PLCL1: variants seen among roughly 807,000 people sequenced by gnomAD.
PLCL1 encodes inactive phospholipase C-like protein 1.
Under a neutral mutation model 84.4 loss-of-function variants are expected in PLCL1, and 41 were observed. The ratio of observed to expected loss-of-function variants is 0.49; its 90% confidence interval spans 0.38 to 0.63. The LOEUF (loss-of-function observed/expected upper bound fraction) is 0.63, where lower values mean the gene tolerates loss of function less well. Among genes scored for constraint, PLCL1 ranks in the 30% least tolerant of loss-of-function variants. The pLI, the probability that PLCL1 is intolerant of heterozygous loss-of-function variation, is 0.00. For synonymous variants in PLCL1, 490 were observed against 488.3 expected, an observed-to-expected ratio of 1.00 and a Z score of -0.05; for missense variants, 1,206 against 1,367.8, an observed-to-expected ratio of 0.88 and a Z score of 1.87.
intron 1 of PLCL1, among the ~76,000 whole-genome samples, chr2:198,025,914 G>A (rs943596979): frequency 6.6e-6 from 1 of 152,206 alleles, no homozygotes; most frequent in African/African-American, 2.4e-5. Context: ...GTGACTTGCT[G>A]TGGAGCCATT....
chr2:197,945,362 G>A (rs772835688), intron 1 of PLCL1, among the ~76,000 whole-genome samples: 2 of 152,100 alleles, frequency 1.3e-5, no homozygotes, highest in African/African-American at 2.4e-5. Flanking sequence ...TCTAAGATAC[G>A]TATGCTTTTT....
Position 197,897,694 on chromosome 2 carries a change from T to A in PLCL1, c.240+92355T>A, listed in dbSNP as rs571372754. Among the ~76,000 whole-genome samples, 3 of 152,322 alleles carry A rather than the reference T, an allele frequency of 2.0e-5. No homozygotes were observed. The East Asian group carries it at 5.8e-4, about 29-fold the overall frequency. On this transcript the variant is annotated intron_variant, in intron 1 of 5. Coordinates refer to ENST00000428675, the MANE Select transcript of PLCL1 (RefSeq NM_006226.4). ...AACATAAAGATTGCTGGTTTCTGGA[T>A]GTCAGGTGAATATGCATTAAAGGAT...
intron 1 of PLCL1, among the ~76,000 whole-genome samples, chr2:198,034,985 C>A (rs553040120): frequency 2.0e-5 from 3 of 152,234 alleles, no homozygotes; most frequent in African/African-American, 7.2e-5. Context: ...TGTCCTTTTT[C>A]ATGTCTCGTC....
chr2:198,061,161 A>G (rs1692190247), intron 1 of PLCL1, among the ~76,000 whole-genome samples: 2 of 152,212 alleles, frequency 1.3e-5, no homozygotes, highest in South Asian at 2.1e-4. Context: ...ATAATTAGGA[A>G]CTCAGTGTGT....
chr2:197,997,086 G>A (rs1310237591), intron 1 of PLCL1, among the ~76,000 whole-genome samples: 1 of 152,194 alleles, frequency 6.6e-6, no homozygotes, highest in Non-Finnish European at 1.5e-5. Flanking sequence ...TGTGCTCACG[G>A]AATCCTGAGA....
chr2:197,930,358 A>G (rs1453640175), intron 1 of PLCL1, among the ~76,000 whole-genome samples: 1 of 152,198 alleles, frequency 6.6e-6, no homozygotes, highest in Non-Finnish European at 1.5e-5. Context: ...AATAGAGTAC[A>G]TGCAAATGAT....
At chr2:198,146,292 C>T (rs1694514478) in intron 5 of PLCL1, among the ~76,000 whole-genome samples, 1 of 152,138 alleles carries the variant, frequency 6.6e-6, no homozygotes, top group African/African-American at 2.4e-5. Flanking sequence ...AACCAGCTCA[C>T]CAAGCATAAG....
At chr2:198,036,569 A>G (rs560199603) in intron 1 of PLCL1, among the ~76,000 whole-genome samples, 1 of 152,358 alleles carries the variant, frequency 6.6e-6, no homozygotes, top group South Asian at 2.1e-4. Flanking sequence ...TATATCATAG[A>G]ATGGATGGAC....
intron 1 of PLCL1, among the ~76,000 whole-genome samples, chr2:197,981,214 C>T (rs573464149): frequency 2.6e-4 from 40 of 152,266 alleles, no homozygotes; most frequent in African/African-American, 9.6e-4. Flanking sequence ...TTTCCACGTA[C>T]ATTAAGACAC....
At chr2:198,133,173 A>T (rs1024350775) in intron 5 of PLCL1, among the ~76,000 whole-genome samples, 4 of 152,060 alleles carry the variant, frequency 2.6e-5, no homozygotes, top group African/African-American at 9.7e-5. Flanking sequence ...TGGCACATAT[A>T]CACCATGGAA....
At chr2:197,862,046 T>C (rs1178504004) in intron 1 of PLCL1, among the ~76,000 whole-genome samples, 2 of 152,226 alleles carry the variant, frequency 1.3e-5, no homozygotes, top group Admixed American at 1.3e-4. Context: ...TCTAGCATTT[T>C]CCCCTTTAAG....
intron 5 of PLCL1, among the ~76,000 whole-genome samples, chr2:198,122,953 C>T (rs1020289086): frequency 6.6e-6 from 1 of 151,990 alleles, no homozygotes; most frequent in African/African-American, 2.4e-5. Context: ...GAAAGGTTAG[C>T]TAATAGCTAA....
chr2:198,103,398 T>C (rs1362633038), intron 4 of PLCL1, among the ~76,000 whole-genome samples: 3 of 152,038 alleles, frequency 2.0e-5, no homozygotes, highest in Non-Finnish European at 4.4e-5. Context: ...AAATGGGGTA[T>C]CCATCCCCTC....
chr2:197,836,213 A>C (rs2105662514), intron 1 of PLCL1, among the ~76,000 whole-genome samples: 1 of 152,126 alleles, frequency 6.6e-6, no homozygotes, highest in South Asian at 2.1e-4. Flanking sequence ...TGGGAGGCCG[A>C]GGCGGGCGGA....
rs775857733 is a variant in PLCL1, at chr2:198,084,406, C to T, written c.889C>T (p.Arg297Cys). 15 of 1,613,978 alleles carry T rather than the reference C, an allele frequency of 9.3e-6. No homozygotes were observed. Among genetic ancestry groups the T allele is most frequent in the South Asian group, 4.4e-5 (4 of 91,076 alleles). ...GAAGAGCAAGGAAAAACTAACCACC[C>T]GCGTGACCGAAGAGGAATTTTGTGA... ...IQKSKEKLTTRVTEEEFCEAF... is the reference protein window; with the variant it reads ...IQKSKEKLTTCVTEEEFCEAF... Residue 297 changes from arginine (R) to cysteine (C), a missense_variant, in exon 2 of 6, where the codon CGC becomes TGC. Transcript: ENST00000428675.
chr2:198,096,941 AG>A (rs1455201525), intron 3 of PLCL1, among the ~76,000 whole-genome samples: 2 of 152,226 alleles, frequency 1.3e-5, no homozygotes, highest in Non-Finnish European at 2.9e-5. Flanking sequence ...ATTCAGCCTC[AG>A]GATGGGAAAG....
intron 1 of PLCL1, among the ~76,000 whole-genome samples, chr2:198,075,029 A>G (rs10195621): frequency 0.016 from 2,445 of 152,318 alleles, 60 homozygotes; most frequent in African/African-American, 0.056. Flanking sequence ...TATTAAAGGT[A>G]TACATTTAGC....
intron 1 of PLCL1, among the ~76,000 whole-genome samples, chr2:197,960,807 G>A (rs932163403): frequency 9.9e-5 from 15 of 151,980 alleles, no homozygotes; most frequent in Middle Eastern, 3.2e-3. Flanking sequence ...CAGCCATATG[G>A]TTTGCAAACA....
rs146765308 is a variant in PLCL1, at chr2:197,894,030, G to T, written c.240+88691G>T. The stretch of plus-strand genomic sequence containing the variant: ...ATGGAGTGTGTGTGCAGTAAGGGGT[G>T]GGGGGTAGTGCCAGCCTCATCTGTC... On this transcript the variant is annotated intron_variant, in intron 1 of 5. Coordinates refer to ENST00000428675, the MANE Select transcript of PLCL1 (RefSeq NM_006226.4). Among the ~76,000 whole-genome samples the T allele has an allele frequency of 5.3e-5, 8 of 151,906 alleles. 1 individual carries two copies. In the East Asian group the frequency reaches 1.4e-3, roughly 26 times the overall value.
Sources: allele counts gnomAD v4.1 joint callset (sites outside exome capture counted in the v4.1 genomes callset), GRCh38; gene constraint gnomAD v4.1.1; transcripts MANE v1.5; gene names NCBI Gene and HGNC (gene_info 2026-07-23, HGNC 2026-07-21).